Variants in MOCOS observed in about 807,000 individuals in gnomAD.
MOCOS encodes human molybdenum cofactor sulfurase.
MOCOS carries 86 observed loss-of-function variants against 83.6 expected under a neutral mutation model. That is an observed-to-expected ratio of 1.03 (90% CI 0.86 to 1.23). The LOEUF is 1.23. Among genes scored for constraint, MOCOS ranks in the 50% most tolerant of loss-of-function variants. The probability of loss-of-function intolerance (pLI) is 0.00; values close to 1 mark genes in which losing one functional copy is unlikely to be tolerated. For missense variants in MOCOS, 1,120 were observed against 1,126.9 expected, an observed-to-expected ratio of 0.99 and a Z score of 0.09; for synonymous variants, 445 against 434.7, an observed-to-expected ratio of 1.02 and a Z score of -0.29.
intron 9 of MOCOS, among the ~76,000 whole-genome samples, chr18:36,245,174 G>A (rs1256464403): frequency 6.6e-6 from 1 of 151,864 alleles, no homozygotes; most frequent in Non-Finnish European, 1.5e-5. Flanking sequence ...CATGCTAGTT[G>A]TTGCCTGAAT....
At chr18:36,260,321 T>C (rs1476096323) in intron 13 of MOCOS, 146 bp downstream of exon 13, 1 of 1,079,600 alleles carries the variant, frequency 9.3e-7, no homozygotes, top group African/African-American at 1.6e-5. Flanking sequence ...TATGTAAGCT[T>C]AGCCTTCTAA....
chr18:36,248,150 T>TG (rs1294421505), intron 9 of MOCOS, among the ~76,000 whole-genome samples: 1 of 152,212 alleles, frequency 6.6e-6, no homozygotes, highest in Non-Finnish European at 1.5e-5. Context: ...CCATTCTAAC[T>TG]GGGGTAAGAT....
chr18:36,190,797 G>A (rs971015669), intron 1 of MOCOS, among the ~76,000 whole-genome samples: 4 of 151,760 alleles, frequency 2.6e-5, no homozygotes, highest in Non-Finnish European at 5.9e-5. Flanking sequence ...CTTTGGCCAG[G>A]TGCAGTGGCT....
At chr18:36,268,039 G>A (rs767327263) in intron 14 of MOCOS, among the ~76,000 whole-genome samples, 1 of 152,170 alleles carries the variant, frequency 6.6e-6, no homozygotes, top group Non-Finnish European at 1.5e-5. Context: ...CACTTGCATT[G>A]ATGGTTAACA....
intron 9 of MOCOS, among the ~76,000 whole-genome samples, chr18:36,241,130 G>C (rs2091581010): frequency 6.6e-6 from 1 of 152,086 alleles, no homozygotes; most frequent in Non-Finnish European, 1.5e-5. Context: ...GACCGGAGCT[G>C]TTCCTATTCG....
intron 1 of MOCOS, 52 bp downstream of exon 1, chr18:36,187,733 G>T (rs1349461681): frequency 2.4e-6 from 3 of 1,250,862 alleles, no homozygotes; most frequent in African/African-American, 1.5e-5. Context: ...AACCGACGTG[G>T]ACGGATCTTT....
intron 6 of MOCOS, among the ~76,000 whole-genome samples, chr18:36,212,834 C>T (rs2091460051): frequency 6.6e-6 from 1 of 152,142 alleles, no homozygotes; most frequent in Non-Finnish European, 1.5e-5. Flanking sequence ...TCAGCCTGAG[C>T]CCCCAGGGTG....
chr18:36,256,916 C>A, intron 11 of MOCOS, 52 bp from the exon 12 acceptor site: 1 of 1,424,342 alleles, frequency 7.0e-7, no homozygotes, highest in Non-Finnish European at 9.9e-7. Flanking sequence ...AAACATGATT[C>A]ACTGGCATTC....
intron 1 of MOCOS, among the ~76,000 whole-genome samples, chr18:36,194,517 G>A (rs2091379402): frequency 6.6e-6 from 1 of 152,194 alleles, no homozygotes; most frequent in Non-Finnish European, 1.5e-5. Context: ...CTTATATTCA[G>A]GTCATTCCAC....
chr18:36,191,526 C>T (rs2091366068), intron 1 of MOCOS, among the ~76,000 whole-genome samples: 4 of 152,238 alleles, frequency 2.6e-5, no homozygotes, highest in Non-Finnish European at 5.9e-5. Context: ...TCACTGCCGC[C>T]TTGACCTCTT....
chr18:36,219,192 T>A (rs149720845), intron 8 of MOCOS, among the ~76,000 whole-genome samples: 3,436 of 58,876 alleles, frequency 0.058, 97 homozygotes, highest in East Asian at 0.38. Flanking sequence ...TATTTTATTT[T>A]ATTTTTTTTT....
intron 9 of MOCOS, among the ~76,000 whole-genome samples, chr18:36,242,735 G>A (rs1228741817): frequency 6.6e-6 from 1 of 152,152 alleles, no homozygotes; most frequent in African/African-American, 2.4e-5. Context: ...GAGAGAGAAG[G>A]GGGTAGGAGG....
At chr18:36,195,114 C>A in intron 1 of MOCOS, 143 bp from the exon 2 acceptor site, 1 of 739,590 alleles carries the variant, frequency 1.4e-6, no homozygotes, top group Non-Finnish European at 2.4e-6. Context: ...CTGCTCATGC[C>A]TACACTTGGA....
At chr18:36,268,397 A>G in intron 14 of MOCOS, 136 bp from the exon 15 acceptor site, 1 of 1,042,514 alleles carries the variant, frequency 9.6e-7, no homozygotes, top group Non-Finnish European at 1.4e-6. Context: ...ACTGTGTAAC[A>G]GATAGGAGAT....
chr18:36,214,265 A>G (rs1367901810), intron 7 of MOCOS, among the ~76,000 whole-genome samples: 13 of 34,352 alleles, frequency 3.8e-4, no homozygotes, highest in Non-Finnish European at 2.1e-3. Flanking sequence ...AAAAAAAAGA[A>G]AAGAAAAAAA....
intron 11 of MOCOS, among the ~76,000 whole-genome samples, chr18:36,253,808 A>T (rs931420692): frequency 5.8e-4 from 88 of 152,084 alleles, no homozygotes; most frequent in Non-Finnish European, 1.5e-4. Flanking sequence ...GACGGGGGAT[A>T]GATGGGGAGA....
intron 1 of MOCOS, chr18:36,189,684 C>A (rs755337977): frequency 1.3e-5 from 2 of 152,122 alleles, no homozygotes; most frequent in African/African-American, 2.4e-5. Context: ...TCTCTGGAAG[C>A]CTTCGTGCTG....
Position 36,198,744 on chromosome 18 carries a change from AG to A in MOCOS, c.289del (p.Val97CysfsTer18), listed in dbSNP as rs1215364714. 1 of 1,614,242 alleles carries A rather than the reference AG, an allele frequency of 6.2e-7. No homozygotes were observed. ...SSKLTHDTVE[Q>X]VRYRILAHFH... ...AAGCTCACCCATGACACTGTGGAGC[AG>A]GTGCGCTACAGGTAAGCATCAGGGA... On this transcript the variant is annotated frameshift_variant, in exon 3 of 15. Coordinates refer to ENST00000261326, the MANE Select transcript of MOCOS (RefSeq NM_017947.4). LOFTEE classifies it high-confidence loss of function.
At chr18:36,263,226 C>A (rs2091670085) in intron 13 of MOCOS, among the ~76,000 whole-genome samples, 1 of 152,174 alleles carries the variant, frequency 6.6e-6, no homozygotes, top group South Asian at 2.1e-4. Flanking sequence ...GTCATCAAGT[C>A]ATAAATATTT....
Sources: allele counts gnomAD v4.1 joint callset (sites outside exome capture counted in the v4.1 genomes callset), GRCh38; gene constraint gnomAD v4.1.1; transcripts MANE v1.5; gene names NCBI Gene and HGNC (gene_info 2026-07-23, HGNC 2026-07-21).